AGBL2: variants seen among roughly 807,000 people sequenced by gnomAD.
AGBL2 encodes AGBL carboxypeptidase 2, also known as cytosolic carboxypeptidase 2.
AGBL2 carries 87 observed loss-of-function variants against 103.0 expected under a neutral mutation model. The ratio of observed to expected loss-of-function variants is 0.84; its 90% CI spans 0.71 to 1.01. AGBL2 has a LOEUF of 1.01. AGBL2 is among the 50% of genes least tolerant of loss of function. AGBL2 has a pLI of 0.00. For missense variants in AGBL2, 904 were observed against 1,023.5 expected, an observed-to-expected ratio of 0.88 and a Z score of 1.59; for synonymous variants, 335 against 356.7, an observed-to-expected ratio of 0.94 and a Z score of 0.69.
intron 4 of AGBL2, among the ~76,000 whole-genome samples, chr11:47,706,526 T>TAAATAA (rs1237411888): frequency 1.3e-5 from 2 of 151,110 alleles, no homozygotes; most frequent in Non-Finnish European, 3.0e-5. Context: ...AAAAAAAAAA[T>TAAATAA]AAATAAAAAT....
chr11:47,710,241 A>G (rs913265134), intron 4 of AGBL2, 136 bp downstream of exon 4: 8 of 1,002,740 alleles, frequency 8.0e-6, no homozygotes, highest in Non-Finnish European at 1.2e-5. Flanking sequence ...TTTAGAGAGA[A>G]GTTTTGAATG....
At chr11:47,660,475 G>A in intron 18 of AGBL2, 129 bp from the exon 19 acceptor site, 1 of 818,582 alleles carries the variant, frequency 1.2e-6, no homozygotes, top group South Asian at 1.8e-5. Flanking sequence ...AAATATAAAA[G>A]TAGTTGACAA....
intron 11 of AGBL2, among the ~76,000 whole-genome samples, chr11:47,684,478 C>A (rs1465833184): frequency 1.3e-5 from 2 of 151,336 alleles, no homozygotes; most frequent in Non-Finnish European, 2.9e-5. Context: ...ATTGCTTGAA[C>A]CTGGGAGATG....
Position 47,714,412 on chromosome 11 carries a change from G to C in AGBL2, c.34-65C>G, listed in dbSNP as rs763736997. The C allele has an allele frequency of 3.2e-5, 47 of 1,488,910 alleles. 1 individual carries two copies. The highest frequency in any genetic ancestry group is 3.8e-5 in the Non-Finnish European group (41 of 1,067,462). 92.2% of individuals were successfully genotyped at this position (1,488,910 alleles called of 1,614,324 possible). ...CAAACCATAATAGACTCAACAAAAA[G>C]TACATGAGCGTTGTTGCATAGGACT... On this transcript the variant is annotated intron_variant, in intron 2 of 18. Transcript: ENST00000525123.
At chr11:47,683,106 C>T (rs1344923755) in intron 11 of AGBL2, among the ~76,000 whole-genome samples, 1 of 152,162 alleles carries the variant, frequency 6.6e-6, no homozygotes, top group Admixed American at 6.6e-5. Flanking sequence ...TATGGTGGCT[C>T]ATGCCTGTAA....
At chr11:47,678,424 C>T (rs1295804791) in intron 13 of AGBL2, among the ~76,000 whole-genome samples, 1 of 150,384 alleles carries the variant, frequency 6.6e-6, no homozygotes, top group Non-Finnish European at 1.5e-5. Context: ...ACCTCTGCCT[C>T]CCAGGTTCAA....
chr11:47,665,519 T>G (rs951256674), intron 17 of AGBL2, among the ~76,000 whole-genome samples: 2 of 151,982 alleles, frequency 1.3e-5, no homozygotes, highest in Non-Finnish European at 2.9e-5. Flanking sequence ...TACAGTGGTA[T>G]GATCATGGCT....
intron 14 of AGBL2, among the ~76,000 whole-genome samples, chr11:47,672,326 T>C (rs1158636548): frequency 6.6e-6 from 1 of 151,698 alleles, no homozygotes; most frequent in African/African-American, 2.4e-5. Context: ...GCACACTTTT[T>C]TTTTTTGAGA....
chr11:47,699,624 A>G, intron 7 of AGBL2, 71 bp from the exon 8 acceptor site: 1 of 772,244 alleles, frequency 1.3e-6, no homozygotes, highest in South Asian at 2.1e-5. Context: ...CTAATATAAA[A>G]TAATAATAAT....
chr11:47,706,255 G>A (rs1484200710), intron 4 of AGBL2, among the ~76,000 whole-genome samples: 2 of 152,060 alleles, frequency 1.3e-5, no homozygotes, highest in Non-Finnish European at 2.9e-5. Flanking sequence ...GGTGGCTCAT[G>A]CCTGTAATCC....
intron 5 of AGBL2, 37 bp downstream of exon 5, chr11:47,705,827 G>A: frequency 1.3e-6 from 2 of 1,591,272 alleles, no homozygotes; most frequent in Non-Finnish European, 1.7e-6. Flanking sequence ...TCCAAAAAAG[G>A]AGCTTGAATC....
At chr11:47,697,948 A>C (rs1599046418) in intron 8 of AGBL2, among the ~76,000 whole-genome samples, 1 of 140,568 alleles carries the variant, frequency 7.1e-6, no homozygotes, top group South Asian at 2.3e-4. Flanking sequence ...GCAACCTCCA[A>C]CTCCCAAGGT....
chr11:47,680,128 G>A, intron 12 of AGBL2, 55 bp from the exon 13 acceptor site: 1 of 1,112,498 alleles, frequency 9.0e-7, no homozygotes, highest in South Asian at 1.3e-5. Flanking sequence ...GTGACTGAAT[G>A]TAAATCTAAT....
At position 47,679,058 on chromosome 11, in the gene AGBL2, CAAAAAAAAAAAA is replaced by C. The variant is rs56307962; in HGVS notation, c.2016+903_2016+914del. 4.6e-4 allele frequency among the ~76,000 whole-genome samples: 13 copies of C among 28,196 alleles called. No homozygotes were observed. In the East Asian group the frequency reaches 5.6e-3, roughly 12 times the overall value. The allele number at this position is 28,196 out of a possible 152,430, so 18.5% of individuals were successfully genotyped here. ...TGGGCGACAGATGGAGACCCTGTCT[CAAAAAAAAAAAA>C]AAAAAAAAAAAAAAAAAAAGAAAAG... On this transcript the variant is annotated intron_variant, in intron 13 of 18. Coordinates refer to ENST00000525123, the MANE Select transcript of AGBL2 (RefSeq NM_024783.4).
intron 18 of AGBL2, among the ~76,000 whole-genome samples, chr11:47,662,819 A>G (rs2097331565): frequency 6.6e-6 from 1 of 152,162 alleles, no homozygotes; most frequent in South Asian, 2.1e-4. Flanking sequence ...TAAAAAAGCA[A>G]ACAATTCACA....
In AGBL2 at chr11:47,692,178, A is replaced by C. The variant is rs898447261; in HGVS notation, c.773T>G (p.Leu258Trp). The stretch of plus-strand genomic sequence containing the variant: ...TAGAGTATTATCTTCTGGTCCTTGC[A>C]ACGTGACAGCAAGTTCCTTGACAAT... ...RGIVKELAVT[L>W]QGPEDNTLLF... The change falls in exon 9 of 19, where the codon TTG becomes TGG. Residue 258 changes from leucine to tryptophan, a missense_variant. Coordinates refer to ENST00000525123, the MANE Select transcript of AGBL2 (RefSeq NM_024783.4). 1.2e-6 allele frequency: 2 copies of C among 1,613,862 alleles called. No individual in the cohort carries two copies. Among genetic ancestry groups the C allele is most frequent in the Non-Finnish European group, 1.7e-6 (2 of 1,179,918 alleles).
At chr11:47,706,934 C>T (rs569267647) in intron 4 of AGBL2, among the ~76,000 whole-genome samples, 1 of 146,362 alleles carries the variant, frequency 6.8e-6, no homozygotes, top group East Asian at 2.0e-4. Flanking sequence ...GGCCTGTAAT[C>T]CCAGCACTTT....
Position 47,679,341 on chromosome 11 carries a change from T to C in AGBL2, c.2016+632A>G, listed in dbSNP as rs535669641. On this transcript the variant is annotated intron_variant, in intron 13 of 18. Transcript: ENST00000525123. ...AAGGTGTTGAGGCTGCAATGAGCCG[T>C]GATCACCCCATTGCACTTCAGCCTG... is the stretch of plus-strand genomic sequence containing the variant. Among the ~76,000 whole-genome samples, 9 of 151,512 alleles carry C rather than the reference T, an allele frequency of 5.9e-5. No homozygotes were observed. The South Asian group carries it at 1.3e-3, about 21-fold the overall frequency.
intron 14 of AGBL2, among the ~76,000 whole-genome samples, chr11:47,676,969 A>C (rs956745133): frequency 1.3e-5 from 2 of 151,644 alleles, no homozygotes; most frequent in African/African-American, 4.8e-5. Flanking sequence ...CCAACTCCCT[A>C]CTCCTTTCTA....
Sources: allele counts gnomAD v4.1 joint callset (sites outside exome capture counted in the v4.1 genomes callset), GRCh38; gene constraint gnomAD v4.1.1; transcripts MANE v1.5; gene names NCBI Gene and HGNC (gene_info 2026-07-23, HGNC 2026-07-21).